LHX8: variants seen among roughly 807,000 people sequenced by gnomAD.
LHX8 encodes LIM/homeobox protein Lhx8.
Under a neutral mutation model 40.3 loss-of-function variants are expected in LHX8, and 12 were observed. That is an observed-to-expected ratio of 0.30 (90% confidence interval 0.19 to 0.48). The LOEUF is 0.48. LHX8 is among the 20% of genes least tolerant of loss of function. LHX8 has a pLI of 0.99. For synonymous variants in LHX8, 179 were observed against 162.0 expected (o/e 1.10, Z -0.80); for missense variants, 344 against 433.7 (o/e 0.79, Z 1.84).
intron 1 of LHX8, 103 bp downstream of exon 1, chr1:75,135,057 G>A (rs142891922): frequency 6.7e-4 from 276 of 411,420 alleles, no homozygotes; most frequent in African/African-American, 5.5e-3. Context: ...GACCTGGCTC[G>A]TTTCGTTCGG....
chr1:75,156,382 T>G (rs1424624225), intron 7 of LHX8, among the ~76,000 whole-genome samples: 1 of 151,940 alleles, frequency 6.6e-6, no homozygotes, highest in Non-Finnish European at 1.5e-5. Flanking sequence ...GCTAGGATTA[T>G]AGGTACCAAC....
the LHX8 span, among the ~76,000 whole-genome samples, chr1:75,193,995 G>C: frequency 5.3e-5 from 8 of 152,162 alleles, no homozygotes; most frequent in Non-Finnish European, 8.8e-5. Flanking sequence ...TCTCCCATCA[G>C]ACCAAGGGCT....
At chr1:75,166,589 G>A in the LHX8 span, among the ~76,000 whole-genome samples, 30 of 152,306 alleles carry the variant, frequency 2.0e-4, no homozygotes, top group South Asian at 4.1e-4. Flanking sequence ...TATTTTGCCA[G>A]CATGGTTCTG....
the LHX8 span, among the ~76,000 whole-genome samples, chr1:75,192,199 G>A: frequency 1.3e-5 from 2 of 152,178 alleles, no homozygotes; most frequent in Non-Finnish European, 2.9e-5. Flanking sequence ...AATTAATATA[G>A]TTGTCATATA....
At chr1:75,159,794 T>A (rs1648867311) in intron 8 of LHX8, 1 of 152,168 alleles carries the variant, frequency 6.6e-6, no homozygotes, top group South Asian at 2.1e-4. Context: ...ATGATATCTT[T>A]CACTAGAGAA....
At chr1:75,138,329 C>T (rs1526502) in intron 3 of LHX8, among the ~76,000 whole-genome samples, 32,993 of 152,092 alleles carry the variant, frequency 0.22, 4,297 homozygotes, top group Middle Eastern at 0.34. Flanking sequence ...GTTCAAAATT[C>T]GTGTTAGTGG....
rs1648902166 is a variant in LHX8, at chr1:75,160,939, A to G, written c.*44A>G. Reference sequence around the variant, plus strand: ...ACTTGATTAAGGATATAAATTTGTCATTTATTATGTATAAAATACCATTGA... The same window carrying G: ...ACTTGATTAAGGATATAAATTTGTCGTTTATTATGTATAAAATACCATTGA... On this transcript the variant is annotated 3_prime_UTR_variant, in exon 9 of 9. Transcript: ENST00000356261. 1 of 1,350,224 alleles carries G rather than the reference A, an allele frequency of 7.4e-7. No individual in the cohort carries two copies. Among genetic ancestry groups the G allele is most frequent in the Non-Finnish European group, 1.1e-6 (1 of 940,072 alleles). 83.6% of individuals were successfully genotyped at this position (1,350,224 alleles called of 1,614,324 possible).
rs35220110 is a variant in LHX8 at position 75,148,695 on chromosome 1, CTT to C, written c.780+26_780+27del. 17,174 of 1,320,884 alleles carry C rather than the reference CTT, an allele frequency of 0.013. 2 individuals carry two copies. The highest frequency in any genetic ancestry group is 0.015 in the Non-Finnish European group (14,465 of 940,420). 81.8% of individuals were successfully genotyped at this position (1,320,884 alleles called of 1,614,324 possible). ...ACGTGTGATACAGGTGATTACTTTA[CTT>C]TTTTTTTTTTTTAAGGTTTTTAAAA... On this transcript the variant is annotated intron_variant, in intron 7 of 8. Transcript: ENST00000356261.
intron 7 of LHX8, among the ~76,000 whole-genome samples, chr1:75,151,036 A>G (rs954402144): frequency 5.9e-5 from 9 of 152,184 alleles, no homozygotes; most frequent in African/African-American, 2.2e-4. Context: ...GCAAGTAACC[A>G]TAAAAGGCAA....
chr1:75,149,928 GAAGC>G (rs920421937), intron 7 of LHX8, among the ~76,000 whole-genome samples: 2 of 152,212 alleles, frequency 1.3e-5, no homozygotes, highest in African/African-American at 4.8e-5. Context: ...CTGCAATGGG[GAAGC>G]AGAGAGGAGT....
intron 7 of LHX8, among the ~76,000 whole-genome samples, chr1:75,153,912 C>T (rs1049629783): frequency 6.6e-5 from 10 of 152,094 alleles, no homozygotes; most frequent in African/African-American, 2.2e-4. Flanking sequence ...AACATGCTTT[C>T]CCAATAAAAT....
At chr1:75,134,148 A>G (rs913859580), upstream of LHX8, among the ~76,000 whole-genome samples, 1 of 152,108 alleles carries the variant, frequency 6.6e-6, no homozygotes, top group Non-Finnish European at 1.5e-5. Flanking sequence ...CAGATTTTTT[A>G]AAGTCAAGTT....
chr1:75,199,150 GTTTC>G, the LHX8 span, among the ~76,000 whole-genome samples: 2 of 152,204 alleles, frequency 1.3e-5, no homozygotes, highest in Non-Finnish European at 2.9e-5. Flanking sequence ...TTGCTATTGA[GTTTC>G]TTTTTCAATA....
chr1:75,182,372 T>G, the LHX8 span, among the ~76,000 whole-genome samples: 1 of 138,778 alleles, frequency 7.2e-6, no homozygotes, highest in African/African-American at 2.7e-5. Flanking sequence ...CTATTTCCTT[T>G]TTTTTTTTTT....
At chr1:75,161,814 T>C (rs948624720), downstream of LHX8, among the ~76,000 whole-genome samples, 2 of 152,142 alleles carry the variant, frequency 1.3e-5, no homozygotes, top group Non-Finnish European at 1.5e-5. Context: ...ATATGGGCCA[T>C]AATATATTTC....
chr1:75,129,388 A>G (rs1647904211), upstream of LHX8, among the ~76,000 whole-genome samples: 1 of 152,220 alleles, frequency 6.6e-6, no homozygotes, highest in African/African-American at 2.4e-5. Flanking sequence ...GAAATGGCAT[A>G]TAGAAGTTAT....
chr1:75,148,925 G>T (rs1034709249), intron 7 of LHX8, among the ~76,000 whole-genome samples: 2 of 152,040 alleles, frequency 1.3e-5, no homozygotes, highest in East Asian at 1.9e-4. Context: ...GTGTTTTTTT[G>T]TGTGTGAAGA....
downstream of LHX8, among the ~76,000 whole-genome samples, chr1:75,163,997 C>A (rs1331822400): frequency 6.6e-6 from 1 of 152,158 alleles, no homozygotes; most frequent in Non-Finnish European, 1.5e-5. Flanking sequence ...TTGTTCACTA[C>A]CTCCAGAACT....
chr1:75,131,995 G>T (rs1647986901), upstream of LHX8: 1 of 152,120 alleles, frequency 6.6e-6, no homozygotes, highest in South Asian at 2.1e-4. Context: ...CAGAGTCTTC[G>T]TTCAAAATTG....
Sources: gnomAD v4.1 joint callset for allele counts (sites outside exome capture counted in the v4.1 genomes callset) on GRCh38, gnomAD v4.1.1 for gene constraint, MANE v1.5 for transcripts, NCBI Gene and HGNC (gene_info 2026-07-23, HGNC 2026-07-21) for gene names.